Variants in CNBD1 observed in about 807,000 individuals in gnomAD.
CNBD1 encodes the protein cyclic nucleotide-binding domain-containing protein 1.
Under a neutral mutation model 54.4 loss-of-function variants are expected in CNBD1, and 71 were observed. That is an observed-to-expected ratio of 1.30 (90% CI 1.08 to 1.59). CNBD1 has a LOEUF of 1.59. CNBD1 is among the 40% of genes most tolerant of loss of function. The pLI is 0.00. For synonymous variants in CNBD1, 182 were observed against 170.7 expected, an observed-to-expected ratio of 1.07 and a Z score of -0.51; for missense variants, 659 against 518.0, an observed-to-expected ratio of 1.27 and a Z score of -2.64.
At chr8:87,364,599 G>C (rs1218023212) in intron 10 of CNBD1, among the ~76,000 whole-genome samples, 1 of 151,702 alleles carries the variant, frequency 6.6e-6, no homozygotes, top group Non-Finnish European at 1.5e-5. Flanking sequence ...TAGGTATCAA[G>C]CCTAGTTCCC....
Position 86,957,392 on chromosome 8 carries a change from T to C in CNBD1, c.431+17638T>C, listed in dbSNP as rs1485834300. Among the ~76,000 whole-genome samples the C allele has an allele frequency of 3.9e-5, 6 of 152,326 alleles. No individual in the cohort carries two copies. The East Asian group carries it at 1.2e-3, about 29-fold the overall frequency. ...TCTTTTTCTATTGATTGGAAGCATT[T>C]CAGAAGGAATGGTACCAGCTCCTCT... On this transcript the variant is annotated intron_variant, in intron 4 of 10. Transcript: ENST00000518476.
chr8:86,919,236 G>C (rs550067112), intron 3 of CNBD1, among the ~76,000 whole-genome samples: 1 of 152,180 alleles, frequency 6.6e-6, no homozygotes, highest in South Asian at 2.1e-4. Flanking sequence ...GATGACAGTG[G>C]CATACACACT....
At chr8:87,029,491 G>A (rs1224142850) in intron 4 of CNBD1, among the ~76,000 whole-genome samples, 1 of 152,134 alleles carries the variant, frequency 6.6e-6, no homozygotes, top group Non-Finnish European at 1.5e-5. Context: ...GGGAGGTAAA[G>A]CAGTGTAGAG....
intron 6 of CNBD1, among the ~76,000 whole-genome samples, chr8:87,248,170 A>T (rs766321433): frequency 1.1e-4 from 16 of 152,224 alleles, no homozygotes; most frequent in Non-Finnish European, 1.8e-4. Flanking sequence ...CCTTGTTGTC[A>T]ACATTGGTAG....
chr8:87,101,101 A>G (rs916822992), intron 4 of CNBD1, among the ~76,000 whole-genome samples: 3 of 152,246 alleles, frequency 2.0e-5, no homozygotes, highest in Non-Finnish European at 2.9e-5. Flanking sequence ...TACTAAATCC[A>G]GAGAATCTAC....
downstream of CNBD1, among the ~76,000 whole-genome samples, chr8:87,383,660 C>T (rs968087647): frequency 2.0e-5 from 3 of 152,046 alleles, no homozygotes; most frequent in South Asian, 2.1e-4. Context: ...GAATTGTTTT[C>T]ATTGGAGTTG....
At chr8:86,874,983 AATTTATATATATAT>A (rs1808493153) in intron 1 of CNBD1, among the ~76,000 whole-genome samples, 1 of 61,328 alleles carries the variant, frequency 1.6e-5, no homozygotes, top group Admixed American at 1.9e-4. Context: ...TTTGTAAATC[AATTTATATATATAT>A]ATATATATAT....
At position 87,353,795 on chromosome 8, in the gene CNBD1, A is replaced by C; in HGVS notation, c.1303+9A>C. 6.3e-7 allele frequency: 1 copy of C among 1,586,592 alleles called. No homozygotes were observed. Among genetic ancestry groups the C allele is most frequent in the African/African-American group, 1.4e-5 (1 of 73,826 alleles). On this transcript the variant is annotated intron_variant, in intron 10 of 10. Transcript: ENST00000518476. The stretch of plus-strand genomic sequence containing the variant: ...AGATAAGGACCTATTTGGTAAATGC[A>C]TAAATATCTTTTAACTGTTATACCA...
chr8:87,364,379 G>A (rs983174529), intron 10 of CNBD1, among the ~76,000 whole-genome samples: 1 of 151,856 alleles, frequency 6.6e-6, no homozygotes, highest in South Asian at 2.1e-4. Context: ...AGAAGTTAAT[G>A]TTTTTGCTCG....
chr8:87,329,100 A>G (rs1393753985), intron 8 of CNBD1, among the ~76,000 whole-genome samples: 1 of 151,712 alleles, frequency 6.6e-6, no homozygotes. Context: ...AATTTTTGTG[A>G]AAAGTATATG....
At chr8:87,134,921 T>C (rs542826431) in intron 4 of CNBD1, among the ~76,000 whole-genome samples, 178 of 152,254 alleles carry the variant, frequency 1.2e-3, no homozygotes, top group African/African-American at 4.1e-3. Flanking sequence ...ATTCCAATTT[T>C]AATCTTGAAA....
intron 6 of CNBD1, among the ~76,000 whole-genome samples, chr8:87,259,577 T>G (rs1395104238): frequency 6.6e-6 from 1 of 152,232 alleles, no homozygotes; most frequent in Non-Finnish European, 1.5e-5. Flanking sequence ...TATTTTTGTT[T>G]AAGCCAATTA....
chr8:86,978,359 C>T lies in CNBD1; in HGVS notation c.431+38605C>T, dbSNP rs540320871. 8.6e-5 allele frequency among the ~76,000 whole-genome samples: 13 copies of T among 152,034 alleles called. No homozygotes were observed. In the South Asian group the frequency reaches 2.5e-3, roughly 29 times the overall value. On this transcript the variant is annotated intron_variant, in intron 4 of 10. Coordinates refer to ENST00000518476, the MANE Select transcript of CNBD1 (RefSeq NM_173538.3). Reference sequence around the variant, plus strand: ...ATAAGGAACACTCTTTAATCTTACCCTCTAAAAACAAAGATAAATGAGATA... The same window carrying T: ...ATAAGGAACACTCTTTAATCTTACCTTCTAAAAACAAAGATAAATGAGATA...
chr8:86,975,965 A>G (rs550765759), intron 4 of CNBD1, among the ~76,000 whole-genome samples: 72 of 151,384 alleles, frequency 4.8e-4, no homozygotes, highest in Non-Finnish European at 9.0e-4. Flanking sequence ...TTTAATTTAT[A>G]TTTTTCTGAT....
chr8:87,371,080 G>A (rs1810778196), intron 10 of CNBD1, among the ~76,000 whole-genome samples: 1 of 150,864 alleles, frequency 6.6e-6, no homozygotes, highest in Admixed American at 6.6e-5. Flanking sequence ...CTGTTCCATT[G>A]ATCTATATCT....
intron 4 of CNBD1, among the ~76,000 whole-genome samples, chr8:86,967,050 T>C (rs1404756397): frequency 6.6e-6 from 1 of 152,150 alleles, no homozygotes; most frequent in African/African-American, 2.4e-5. Flanking sequence ...TTACAATCCT[T>C]AGCTAGACAG....
At chr8:86,923,828 T>C (rs10808353) in intron 3 of CNBD1, among the ~76,000 whole-genome samples, 84,033 of 152,002 alleles carry the variant, frequency 0.55, 23,435 homozygotes, top group South Asian at 0.6. Context: ...AGAAGAATCA[T>C]AGAAGGACAG....
At chr8:87,374,819 A>G (rs1339149335) in intron 10 of CNBD1, among the ~76,000 whole-genome samples, 1 of 150,186 alleles carries the variant, frequency 6.7e-6, no homozygotes, top group Non-Finnish European at 1.5e-5. Flanking sequence ...TCAGAAAAAT[A>G]GCTTAGCTAG....
chr8:87,256,232 A>G (rs954827569), intron 6 of CNBD1, among the ~76,000 whole-genome samples: 1 of 150,876 alleles, frequency 6.6e-6, no homozygotes, highest in African/African-American at 2.4e-5. Context: ...CATGTTGGCC[A>G]GGGTGGTCTT....
Sources: gnomAD v4.1 joint callset for allele counts (sites outside exome capture counted in the v4.1 genomes callset) on GRCh38, gnomAD v4.1.1 for gene constraint, MANE v1.5 for transcripts, NCBI Gene and HGNC (gene_info 2026-07-23, HGNC 2026-07-21) for gene names.